The following SLC35F1 variants were observed in gnomAD, a reference collection of about 807,000 sequenced individuals.
The protein encoded by SLC35F1 is chromosome 6 open reading frame 169.
In SLC35F1, 14 loss-of-function variants were observed where a neutral mutation model predicts 48.7. That is an observed-to-expected ratio of 0.29 (90% CI 0.19 to 0.45). The LOEUF is 0.45. Among genes scored for constraint, SLC35F1 ranks in the 20% least tolerant of loss-of-function variants. The pLI, the probability that SLC35F1 is intolerant of heterozygous loss-of-function variation, is 1.00. For synonymous variants in SLC35F1, 190 were observed against 202.2 expected (o/e 0.94, Z 0.51); for missense variants, 404 against 500.0 (o/e 0.81, Z 1.83).
intron 2 of SLC35F1, among the ~76,000 whole-genome samples, chr6:118,175,896 A>T (rs1774481168): frequency 6.6e-6 from 1 of 152,078 alleles, no homozygotes; most frequent in Non-Finnish European, 1.5e-5. Context: ...GTCAAAGGTG[A>T]AAAATAACTT....
chr6:118,196,351 C>A (rs886304197), intron 2 of SLC35F1, among the ~76,000 whole-genome samples: 3 of 152,124 alleles, frequency 2.0e-5, no homozygotes, highest in African/African-American at 7.2e-5. Flanking sequence ...CCTTCTCAAG[C>A]CTTATTTAGT....
intron 2 of SLC35F1, among the ~76,000 whole-genome samples, chr6:118,155,706 T>C (rs1011677846): frequency 1.3e-5 from 2 of 152,180 alleles, no homozygotes; most frequent in Admixed American, 1.3e-4. Context: ...GGCTCAGAAA[T>C]AGCCATCAAT....
intron 2 of SLC35F1, among the ~76,000 whole-genome samples, chr6:118,189,885 AAC>A (rs532229883): frequency 1.4e-4 from 21 of 152,326 alleles, no homozygotes; most frequent in Non-Finnish European, 2.4e-4. Context: ...GCCTTATTTG[AAC>A]ACAGTTTGAA....
intron 1 of SLC35F1, among the ~76,000 whole-genome samples, chr6:118,051,281 T>G (rs1772387318): frequency 6.6e-6 from 1 of 152,172 alleles, no homozygotes; most frequent in African/African-American, 2.4e-5. Context: ...AAGCTCAAAG[T>G]GTATTTCCTT....
intron 3 of SLC35F1, among the ~76,000 whole-genome samples, chr6:118,259,893 C>T (rs1299050375): frequency 6.6e-6 from 1 of 152,020 alleles, no homozygotes; most frequent in East Asian, 1.9e-4. Flanking sequence ...GAAATGAAGC[C>T]CACATGTTCC....
chr6:118,103,416 G>T (rs1462996589), intron 1 of SLC35F1, among the ~76,000 whole-genome samples: 4 of 152,122 alleles, frequency 2.6e-5, no homozygotes. Context: ...GTGCCATTTG[G>T]CTCTCCTGCC....
intron 2 of SLC35F1, among the ~76,000 whole-genome samples, chr6:118,155,725 A>C (rs564446631): frequency 6.6e-6 from 1 of 152,302 alleles, no homozygotes; most frequent in African/African-American, 2.4e-5. Context: ...ATTTTCCCCA[A>C]AATAGTAGCT....
intron 1 of SLC35F1, among the ~76,000 whole-genome samples, chr6:117,962,488 A>T (rs746469219): frequency 6.6e-6 from 1 of 152,136 alleles, no homozygotes; most frequent in Non-Finnish European, 1.5e-5. Context: ...ACACACAAAC[A>T]CACAAAAGAT....
At chr6:118,288,759 G>A (rs913297398) in intron 7 of SLC35F1, among the ~76,000 whole-genome samples, 10 of 152,086 alleles carry the variant, frequency 6.6e-5, no homozygotes, top group African/African-American at 2.4e-4. Flanking sequence ...GTTAACTTTG[G>A]AATGCCTTTG....
chr6:118,265,118 C>A (rs747214256), intron 3 of SLC35F1, among the ~76,000 whole-genome samples: 1 of 152,166 alleles, frequency 6.6e-6, no homozygotes, highest in Non-Finnish European at 1.5e-5. Flanking sequence ...GAGGAGAAGA[C>A]CAGTGCACAG....
chr6:117,958,357 G>A (rs1582585507), intron 1 of SLC35F1, among the ~76,000 whole-genome samples: 4 of 152,144 alleles, frequency 2.6e-5, no homozygotes. Flanking sequence ...AATAAATGTA[G>A]TATAGCCTAA....
In SLC35F1 at chr6:118,315,045, T is replaced by A. The variant is rs1211888348; in HGVS notation, c.*793T>A. ...CTTTTGGGAGCCCCCAGAAATAATA[T>A]CATTTGTGTTTAGGACAATATATAA... On this transcript the variant is annotated 3_prime_UTR_variant, in exon 8 of 8. Coordinates refer to ENST00000360388, the MANE Select transcript of SLC35F1 (RefSeq NM_001029858.4). 1 of 152,604 alleles carries A rather than the reference T, an allele frequency of 6.6e-6. No individual in the cohort carries two copies. Among genetic ancestry groups the A allele is most frequent in the Non-Finnish European group, 1.5e-5 (1 of 68,036 alleles). The allele number at this position is 152,604 out of a possible 1,614,324, so 9.5% of individuals were successfully genotyped here. A position where few individuals can be genotyped will look rare whatever the true frequency, so the allele number is the denominator to read the frequency against.
intron 1 of SLC35F1, among the ~76,000 whole-genome samples, chr6:118,111,128 G>C (rs376830786): frequency 1.4e-4 from 21 of 152,200 alleles, no homozygotes; most frequent in East Asian, 1.2e-3. Flanking sequence ...TACATGTATG[G>C]GAATACCAGA....
chr6:118,039,075 G>A (rs986018330), intron 1 of SLC35F1, among the ~76,000 whole-genome samples: 2 of 152,078 alleles, frequency 1.3e-5, no homozygotes, highest in Admixed American at 6.6e-5. Context: ...ATTCCTTAGA[G>A]TTTTGAAGAA....
intron 1 of SLC35F1, among the ~76,000 whole-genome samples, chr6:118,094,967 A>T (rs1489890155): frequency 1.9e-5 from 1 of 52,792 alleles, no homozygotes; most frequent in Non-Finnish European, 4.6e-5. Context: ...GACTCCGTCT[A>T]AAAAAAAAAA....
intron 1 of SLC35F1, among the ~76,000 whole-genome samples, chr6:117,955,377 A>G (rs1426601363): frequency 6.6e-6 from 1 of 152,188 alleles, no homozygotes; most frequent in Non-Finnish European, 1.5e-5. Context: ...GCGTGGTCTG[A>G]CAAGTGGTCT....
intron 1 of SLC35F1, among the ~76,000 whole-genome samples, chr6:117,914,620 G>A (rs1196866531): frequency 6.6e-6 from 1 of 152,156 alleles, no homozygotes. Flanking sequence ...GGGTGCCATT[G>A]GTGGAGTTTC....
At chr6:118,155,625 G>GTATTATGGAATATGTTATTCA (rs1774128633) in intron 2 of SLC35F1, among the ~76,000 whole-genome samples, 1 of 152,068 alleles carries the variant, frequency 6.6e-6, no homozygotes, top group African/African-American at 2.4e-5. Flanking sequence ...GCAGTCTCAG[G>GTATTATGGAATATGTTATTCA]TATTATGGAA....
At position 118,112,082 on chromosome 6, in the gene SLC35F1, C is replaced by CTTTATTTTCT. The variant is rs1169093414; in HGVS notation, c.174-42360_174-42359insATTTTCTTTT. Among the ~76,000 whole-genome samples, 27 of 131,734 alleles carry CTTTATTTTCT rather than the reference C, an allele frequency of 2.0e-4. 1 individual carries two copies. The highest frequency in any genetic ancestry group is 7.7e-4 in the African/African-American group (27 of 34,904). The allele number at this position is 131,734 out of a possible 152,430, so 86.4% of individuals were successfully genotyped here. A position where few individuals can be genotyped will look rare whatever the true frequency, so the allele number is the denominator to read the frequency against. ...TTTCTTTCTTTCTTTTTCTTTATTTCTTTCTTTTCTTTTCTTTTCTTTTCT... is the reference window on the plus strand; with the variant it reads ...TTTCTTTCTTTCTTTTTCTTTATTTCTTTATTTTCTTTTCTTTTCTTTTCTTTTCTTTTCT... On this transcript the variant is annotated intron_variant, in intron 1 of 7. Coordinates refer to ENST00000360388, the MANE Select transcript of SLC35F1 (RefSeq NM_001029858.4).
Sources: gnomAD v4.1 joint callset for allele counts (sites outside exome capture counted in the v4.1 genomes callset) on GRCh38, gnomAD v4.1.1 for gene constraint, MANE v1.5 for transcripts, NCBI Gene and HGNC (gene_info 2026-07-23, HGNC 2026-07-21) for gene names.